Variants in FRMD6 observed in about 807,000 individuals in gnomAD.
The protein encoded by FRMD6 is FERM domain containing 6.
Under a neutral mutation model 73.2 loss-of-function variants are expected in FRMD6, and 37 were observed. That is an observed-to-expected ratio of 0.51 (90% CI 0.39 to 0.66). The LOEUF (loss-of-function observed/expected upper bound fraction) is 0.66. Ranked by LOEUF, FRMD6 falls within the 30% of genes least tolerant of loss-of-function variation. The pLI is 0.00. For missense variants in FRMD6, 714 were observed against 780.5 expected, an observed-to-expected ratio of 0.91 and a Z score of 1.02; for synonymous variants, 273 against 282.2, an observed-to-expected ratio of 0.97 and a Z score of 0.33.
intron 1 of FRMD6, among the ~76,000 whole-genome samples, chr14:51,566,362 A>G (rs927097094): frequency 7.2e-5 from 11 of 152,218 alleles, no homozygotes; most frequent in African/African-American, 2.7e-4. Context: ...GTAAAGACCC[A>G]TACAGATGTG....
chr14:51,440,997 G>A, the FRMD6 span, among the ~76,000 whole-genome samples: 2 of 152,186 alleles, frequency 1.3e-5, no homozygotes, highest in East Asian at 3.9e-4. Flanking sequence ...AACATCTTTG[G>A]CCTCTATGCC....
intron 1 of FRMD6, among the ~76,000 whole-genome samples, chr14:51,490,459 ATGC>A (rs1882927789): frequency 6.6e-6 from 1 of 152,180 alleles, no homozygotes; most frequent in South Asian, 2.1e-4. Flanking sequence ...TTACAGACAA[ATGC>A]TGGGTCATTT....
chr14:51,496,829 G>A (rs1883321842), intron 1 of FRMD6, among the ~76,000 whole-genome samples: 1 of 152,128 alleles, frequency 6.6e-6, no homozygotes, highest in South Asian at 2.1e-4. Flanking sequence ...TCATCTTTAT[G>A]TGTGTCTTAA....
intron 12 of FRMD6, among the ~76,000 whole-genome samples, chr14:51,723,552 G>C (rs936918081): frequency 6.6e-6 from 1 of 151,432 alleles, no homozygotes; most frequent in South Asian, 2.1e-4. Context: ...AGGCCAAGGT[G>C]GGTGGATCAC....
intron 1 of FRMD6, among the ~76,000 whole-genome samples, chr14:51,494,750 C>T (rs562443015): frequency 6.6e-6 from 1 of 152,296 alleles, no homozygotes. Flanking sequence ...GGGGCTTTTG[C>T]ACTCTGGGCC....
At chr14:51,550,467 G>C (rs976082908) in intron 1 of FRMD6, among the ~76,000 whole-genome samples, 5 of 152,104 alleles carry the variant, frequency 3.3e-5, no homozygotes, top group Admixed American at 1.3e-4. Flanking sequence ...CTGCTTCTCT[G>C]ACACTAGATG....
chr14:51,465,994 T>C, the FRMD6 span, among the ~76,000 whole-genome samples: 1 of 152,212 alleles, frequency 6.6e-6, no homozygotes, highest in African/African-American at 2.4e-5. Context: ...ATTTTAGTTA[T>C]TCTAATGGCT....
chr14:51,715,143 G>T (rs769265479), intron 9 of FRMD6, 182 bp from the exon 10 acceptor site: 3 of 469,802 alleles, frequency 6.4e-6, no homozygotes, highest in African/African-American at 2.0e-5. Context: ...CTGAATTTCT[G>T]GTCATCCCCT....
intron 1 of FRMD6, among the ~76,000 whole-genome samples, chr14:51,494,666 G>A (rs1293997369): frequency 2.0e-5 from 3 of 152,210 alleles, no homozygotes; most frequent in Non-Finnish European, 2.9e-5. Flanking sequence ...CATGGGGGCA[G>A]CCTCACCCCC....
At chr14:51,582,349 A>C (rs1049070019) in intron 2 of FRMD6, among the ~76,000 whole-genome samples, 1 of 152,238 alleles carries the variant, frequency 6.6e-6, no homozygotes, top group African/African-American at 2.4e-5. Flanking sequence ...GAGGGAAGAC[A>C]TTGGATGATA....
chr14:51,727,732 C>G lies in FRMD6; in HGVS notation c.1585-13C>G. The G allele has an allele frequency of 6.3e-7, 1 of 1,583,272 alleles. No individual in the cohort carries two copies. ...TCACTTTAAAGTTGTTTCATCCTTC[C>G]CTTATCTTGCAGACTATATGTCGGA... On this transcript the variant is annotated splice_polypyrimidine_tract_variant and intron_variant, in intron 13 of 13. Transcript: ENST00000344768.
intron 1 of FRMD6, among the ~76,000 whole-genome samples, chr14:51,491,168 A>G (rs1596486993): frequency 6.6e-6 from 1 of 152,294 alleles, no homozygotes; most frequent in East Asian, 1.9e-4. Flanking sequence ...TAGGCCCTCA[A>G]CAAACATTCT....
chr14:51,583,666 TAGC>T (rs1888859415), intron 2 of FRMD6, among the ~76,000 whole-genome samples: 1 of 152,190 alleles, frequency 6.6e-6, no homozygotes, highest in African/African-American at 2.4e-5. Context: ...AGCTCCTAAG[TAGC>T]AGAGCTAGGA....
intron 2 of FRMD6, among the ~76,000 whole-genome samples, chr14:51,638,341 A>G (rs1029573024): frequency 1.3e-5 from 2 of 152,172 alleles, no homozygotes; most frequent in African/African-American, 4.8e-5. Flanking sequence ...AGCGGATAGC[A>G]TAGTGCCAAT....
upstream of FRMD6, among the ~76,000 whole-genome samples, chr14:51,485,396 G>A (rs142762383): frequency 6.6e-6 from 1 of 152,294 alleles, no homozygotes; most frequent in East Asian, 1.9e-4. Context: ...ACATCTGCAA[G>A]ACCCTATTTG....
At chr14:51,712,052 CT>C (rs1299988773) in intron 8 of FRMD6, among the ~76,000 whole-genome samples, 3 of 152,128 alleles carry the variant, frequency 2.0e-5, no homozygotes, top group African/African-American at 7.2e-5. Flanking sequence ...AAACTGTCAC[CT>C]TTTAGCAGGT....
In FRMD6 at chr14:51,702,513, G is replaced by A; in HGVS notation, c.296G>A (p.Gly99Asp). The A allele has an allele frequency of 6.2e-7, 1 of 1,611,042 alleles. No homozygotes were observed. Among genetic ancestry groups the A allele is most frequent in the Non-Finnish European group, 8.5e-7 (1 of 1,177,986 alleles). ...TTTTGTGTGTGCTTTTGTTTCTAGG[G>A]TATCGACCAATTTGGGCCTCCTATG... ...SKVRQYEVTW[G>D]IDQFGPPMII... Residue 99 changes from glycine (G) to aspartate (D), a missense_variant and splice_region_variant, in exon 5 of 14, where the codon GGT becomes GAT. Physicochemically the swap from Gly to Asp is moderately conservative, Grantham distance 94 (BLOSUM62 -1). Transcript: ENST00000344768.
the FRMD6 span, among the ~76,000 whole-genome samples, chr14:51,411,095 C>CGATA: frequency 6.6e-6 from 1 of 152,160 alleles, no homozygotes; most frequent in African/African-American, 2.4e-5. Context: ...GTGTTCCCTC[C>CGATA]TATCCTCAGT....
the FRMD6 span, among the ~76,000 whole-genome samples, chr14:51,401,653 C>T: frequency 1.3e-5 from 2 of 152,150 alleles, no homozygotes; most frequent in African/African-American, 2.4e-5. Context: ...TTGGAACTTC[C>T]CCGTAGGAGT....
Sources: allele counts gnomAD v4.1 joint callset (sites outside exome capture counted in the v4.1 genomes callset), GRCh38; gene constraint gnomAD v4.1.1; transcripts MANE v1.5; gene names NCBI Gene and HGNC (gene_info 2026-07-23, HGNC 2026-07-21).